The following BABAM2 variants were observed in gnomAD, a reference collection of about 807,000 sequenced individuals.
The protein encoded by BABAM2 is BRISC and BRCA1-A complex member 2.
BABAM2 carries 31 observed loss-of-function variants against 54.7 expected under a neutral mutation model. The observed-to-expected ratio is 0.57, with a 90% CI of 0.43 to 0.77. The LOEUF (loss-of-function observed/expected upper bound fraction) is 0.77, where lower values mean the gene tolerates loss of function less well. Ranked by LOEUF, BABAM2 falls within the 30% of genes least tolerant of loss-of-function variation. BABAM2 has a pLI of 0.00. For synonymous variants in BABAM2, 167 were observed against 162.9 expected (o/e 1.03, Z -0.19); for missense variants, 364 against 455.8 (o/e 0.80, Z 1.83).
intron 7 of BABAM2, among the ~76,000 whole-genome samples, chr2:28,154,100 C>T (rs1278348175): frequency 1.3e-5 from 2 of 152,156 alleles, no homozygotes; most frequent in Non-Finnish European, 2.9e-5. Flanking sequence ...TGGAAATCAC[C>T]TTCCTGGGTC....
intron 3 of BABAM2, among the ~76,000 whole-genome samples, chr2:27,953,831 G>C (rs2148413184): frequency 6.6e-6 from 1 of 152,260 alleles, no homozygotes; most frequent in East Asian, 1.9e-4. Context: ...AAGTTCTAGA[G>C]AGTTTTGCAG....
intron 10 of BABAM2, among the ~76,000 whole-genome samples, chr2:28,266,034 G>A (rs1357272162): frequency 6.6e-6 from 1 of 151,794 alleles, no homozygotes; most frequent in African/African-American, 2.4e-5. Flanking sequence ...GCCCAGGCTG[G>A]AGAGCAATGG....
chr2:28,213,116 A>G (rs928104673), intron 7 of BABAM2, among the ~76,000 whole-genome samples: 31 of 152,124 alleles, frequency 2.0e-4, no homozygotes, highest in Non-Finnish European at 1.2e-4. Context: ...GGTCCCAGCT[A>G]TTCAGGACGC....
At position 27,929,900 on chromosome 2, in the gene BABAM2, C is replaced by T. The variant is rs1667971439; in HGVS notation, c.197C>T (p.Thr66Ile). 1 of 1,611,098 alleles carries T rather than the reference C, an allele frequency of 6.2e-7. No individual in the cohort carries two copies. Among genetic ancestry groups the T allele is most frequent in the Non-Finnish European group, 8.5e-7 (1 of 1,177,300 alleles). The change falls in exon 3 of 12, where the codon ACA becomes ATA. Residue 66 changes from threonine to isoleucine, a missense_variant. By Grantham distance (89) the Thr-to-Ile change is moderately conservative (BLOSUM62 -1). Coordinates refer to ENST00000379624, the MANE Select transcript of BABAM2 (RefSeq NM_199191.3). ...FKLHIPYAGE[T>I]LKWDIIFNAQ... The stretch of plus-strand genomic sequence containing the variant: ...CTGCACATACCATATGCTGGAGAGA[C>T]ATTAAAGTGTAAGTAAATGATGACT...
chr2:28,080,179 G>A (rs1665041350), intron 6 of BABAM2, among the ~76,000 whole-genome samples: 1 of 151,962 alleles, frequency 6.6e-6, no homozygotes, highest in Non-Finnish European at 1.5e-5. Flanking sequence ...TTTAATTAAT[G>A]GTGTGACTCT....
intron 6 of BABAM2, among the ~76,000 whole-genome samples, chr2:28,114,170 A>G (rs1668387226): frequency 6.6e-6 from 1 of 152,214 alleles, no homozygotes; most frequent in Admixed American, 6.5e-5. Context: ...AGTTCTGGCC[A>G]GGGCAATCAG....
At chr2:28,176,596 A>AAAAAC (rs1248054622) in intron 7 of BABAM2, among the ~76,000 whole-genome samples, 7 of 145,934 alleles carry the variant, frequency 4.8e-5, no homozygotes, top group South Asian at 2.2e-4. Context: ...AAAAAAAAAA[A>AAAAAC]CCTCACTGAG....
At chr2:28,043,116 A>AGTTGTTG (rs1677253247) in intron 5 of BABAM2, among the ~76,000 whole-genome samples, 1 of 151,094 alleles carries the variant, frequency 6.6e-6, no homozygotes, top group Non-Finnish European at 1.5e-5. Flanking sequence ...GAATGTGGAC[A>AGTTGTTG]GTTGTTGGGA....
intron 6 of BABAM2, among the ~76,000 whole-genome samples, chr2:28,086,099 A>C (rs2148681860): frequency 6.6e-6 from 1 of 152,330 alleles, no homozygotes; most frequent in South Asian, 2.1e-4. Context: ...CAATTTTCAA[A>C]TGAACTTGTC....
At chr2:27,992,523 T>G (rs1672852594) in intron 4 of BABAM2, among the ~76,000 whole-genome samples, 1 of 152,064 alleles carries the variant, frequency 6.6e-6, no homozygotes, top group Admixed American at 6.5e-5. Flanking sequence ...TTGGAATAAT[T>G]GAAACAAAAG....
Position 28,112,182 on chromosome 2 carries a change from C to CTTCCTTCCTT in BABAM2, c.571-17089_571-17088insTTCCTTCCTT, listed in dbSNP as rs1189482940. ...CCCTCCCTCCCTCCCTCCCTCCCTC[C>CTTCCTTCCTT]CTCCCTCCCTCCCTCCCTTCCTTCC... On this transcript the variant is annotated intron_variant, in intron 6 of 11. Transcript: ENST00000379624. Among the ~76,000 whole-genome samples, 601 of 68,006 alleles carry CTTCCTTCCTT rather than the reference C, an allele frequency of 8.8e-3. 59 individuals are homozygous for CTTCCTTCCTT. Among genetic ancestry groups the CTTCCTTCCTT allele is most frequent in the Non-Finnish European group, 0.011 (400 of 36,566 alleles). 44.6% of individuals were successfully genotyped at this position (68,006 alleles called of 152,430 possible). A position where few individuals can be genotyped will look rare whatever the true frequency, so the allele number is the denominator to read the frequency against.
chr2:28,131,485 A>C (rs1336124148), intron 7 of BABAM2, among the ~76,000 whole-genome samples: 1 of 152,174 alleles, frequency 6.6e-6, no homozygotes, highest in Non-Finnish European at 1.5e-5. Context: ...AGTCAAGCAG[A>C]TCTAGTTTAA....
intron 11 of BABAM2, among the ~76,000 whole-genome samples, chr2:28,315,562 G>A (rs1238685552): frequency 6.6e-6 from 1 of 151,400 alleles, no homozygotes; most frequent in Non-Finnish European, 1.5e-5. Context: ...TGAATTCCTG[G>A]GCTCAAGCAA....
intron 8 of BABAM2, among the ~76,000 whole-genome samples, chr2:28,238,844 A>AG: frequency 6.6e-6 from 1 of 151,672 alleles, no homozygotes; most frequent in East Asian, 1.9e-4. Flanking sequence ...TTTCCTCAAA[A>AG]AAAAATTATA....
At chr2:28,093,389 T>C (rs1010957983) in intron 6 of BABAM2, among the ~76,000 whole-genome samples, 2 of 152,180 alleles carry the variant, frequency 1.3e-5, no homozygotes, top group African/African-American at 4.8e-5. Flanking sequence ...TCTGAACTTG[T>C]GTCTTTTTAT....
At chr2:28,161,031 G>A (rs1673041592) in intron 7 of BABAM2, among the ~76,000 whole-genome samples, 1 of 152,088 alleles carries the variant, frequency 6.6e-6, no homozygotes, top group African/African-American at 2.4e-5. Flanking sequence ...TAATCATGAT[G>A]GTCCCAAGTT....
intron 7 of BABAM2, among the ~76,000 whole-genome samples, chr2:28,177,429 A>T (rs768742312): frequency 2.0e-5 from 3 of 152,186 alleles, no homozygotes; most frequent in Non-Finnish European, 4.4e-5. Context: ...CTGAAAGTGA[A>T]AGGACAATAT....
chr2:28,097,545 G>A (rs945245656), intron 6 of BABAM2, among the ~76,000 whole-genome samples: 2 of 152,040 alleles, frequency 1.3e-5, no homozygotes, highest in Non-Finnish European at 1.5e-5. Flanking sequence ...TTAATTATAT[G>A]CAGTGGATGA....
chr2:27,905,886 A>G (rs909225440), intron 2 of BABAM2, among the ~76,000 whole-genome samples: 2 of 152,250 alleles, frequency 1.3e-5, no homozygotes, highest in African/African-American at 4.8e-5. Flanking sequence ...CTGACCCTGC[A>G]GGTGGATGAA....
Sources: gnomAD v4.1 joint callset for allele counts (sites outside exome capture counted in the v4.1 genomes callset) on GRCh38, gnomAD v4.1.1 for gene constraint, MANE v1.5 for transcripts, NCBI Gene and HGNC (gene_info 2026-07-23, HGNC 2026-07-21) for gene names.